ABCC1: variants seen among roughly 807,000 people sequenced by gnomAD.
ABCC1 encodes multidrug resistance-associated protein 1.
In ABCC1, 83 loss-of-function variants were observed where a neutral mutation model predicts 172.9. The observed-to-expected ratio is 0.48, with a 90% CI of 0.40 to 0.58. ABCC1 has a LOEUF of 0.58. Ranked by LOEUF, ABCC1 falls within the 20% of genes least tolerant of loss-of-function variation. ABCC1 has a pLI of 0.00. For synonymous variants in ABCC1, 937 were observed against 825.2 expected, an observed-to-expected ratio of 1.14 and a Z score of -2.32; for missense variants, 1,817 against 2,002.7, an observed-to-expected ratio of 0.91 and a Z score of 1.77.
At chr16:15,951,684 C>CT (rs1001619400) in intron 1 of ABCC1, among the ~76,000 whole-genome samples, 35 of 146,380 alleles carry the variant, frequency 2.4e-4, no homozygotes, top group Middle Eastern at 3.4e-3. Context: ...TTTTTCTTTT[C>CT]TTTTTTTTTT....
chr16:16,046,158 G>C (rs1259785125), intron 9 of ABCC1, 145 bp downstream of exon 9: 1 of 857,144 alleles, frequency 1.2e-6, no homozygotes, highest in Non-Finnish European at 1.8e-6. Context: ...TTAGGTGGCA[G>C]GGACAGCACG....
intron 5 of ABCC1, 150 bp from the exon 6 acceptor site, chr16:16,032,959 G>T (rs2048608311): frequency 3.0e-6 from 2 of 676,886 alleles, no homozygotes; most frequent in Admixed American, 5.3e-5. Flanking sequence ...TTAGGAGAGG[G>T]TCCTTTTGGG....
chr16:16,086,702 C>T (rs1310406497), intron 17 of ABCC1, 122 bp from the exon 18 acceptor site: 1 of 1,049,836 alleles, frequency 9.5e-7, no homozygotes, highest in Non-Finnish European at 1.4e-6. Context: ...CCCCTGGTCT[C>T]AAGCAGTCCT....
chr16:16,096,590 G>A (rs1050752620), intron 19 of ABCC1, among the ~76,000 whole-genome samples: 6 of 152,184 alleles, frequency 3.9e-5, no homozygotes, highest in Non-Finnish European at 7.3e-5. Context: ...GCTGGGGGAG[G>A]AGGTCAGTGA....
chr16:15,975,560 T>G (rs200612407), intron 1 of ABCC1, among the ~76,000 whole-genome samples: 776 of 26,502 alleles, frequency 0.029, 5 homozygotes, highest in African/African-American at 0.041. Flanking sequence ...GTTTTTTTTG[T>G]TTTTTTTTGT....
rs2049293103 is a variant in ABCC1 at position 16,048,162 on chromosome 16, A to C, written c.1239A>C (p.Ser413=). 6.2e-7 allele frequency: 1 copy of C among 1,614,110 alleles called. No homozygotes were observed. The highest frequency in any genetic ancestry group is 1.7e-5 in the Admixed American group (1 of 60,006). The change falls in exon 10 of 31, where the codon TCA becomes TCC. Residue 413 remains serine, a synonymous_variant. Coordinates refer to ENST00000399410, the MANE Select transcript of ABCC1 (RefSeq NM_004996.4). The stretch of plus-strand genomic sequence containing the variant: ...CACAGGCCCTGGTGATCACCAATTC[A>C]GCCAGAAAATCCTCCACGGTCGGGG... ...VYRKALVITN[S]ARKSSTVGEI...
chr16:16,096,815 G>C (rs1372611747), intron 19 of ABCC1, among the ~76,000 whole-genome samples: 1 of 152,116 alleles, frequency 6.6e-6, no homozygotes. Flanking sequence ...CGTGGGTCAA[G>C]GGTAGAAACA....
At chr16:16,006,803 A>G (rs996127039) in intron 1 of ABCC1, among the ~76,000 whole-genome samples, 1 of 151,282 alleles carries the variant, frequency 6.6e-6, no homozygotes, top group Admixed American at 6.6e-5. Flanking sequence ...GGTACTTAGA[A>G]TAAAGCCTGG....
chr16:16,060,294 C>T (rs989212285), intron 12 of ABCC1, among the ~76,000 whole-genome samples: 1 of 152,198 alleles, frequency 6.6e-6, no homozygotes, highest in Non-Finnish European at 1.5e-5. Flanking sequence ...AGCAGACACC[C>T]ACAGTCACTC....
In ABCC1 at chr16:16,102,718, G is replaced by A. The variant is rs2051823877; in HGVS notation, c.2735+1G>A. 7 of 1,570,436 alleles carry A rather than the reference G, an allele frequency of 4.5e-6. No homozygotes were observed. The highest frequency in any genetic ancestry group is 6.0e-6 in the Non-Finnish European group (7 of 1,157,382). On this transcript the variant is annotated splice_donor_variant, in intron 20 of 30. Coordinates refer to ENST00000399410, the MANE Select transcript of ABCC1 (RefSeq NM_004996.4). LOFTEE classifies it high-confidence loss of function. The stretch of plus-strand genomic sequence containing the variant: ...ACAGTGCAGGGAAGCAACTGCAGAG[G>A]TAAGGGCGGGGAGGAAGGCCCCAAC...
intron 28 of ABCC1, 32 bp from the exon 29 acceptor site, chr16:16,136,434 TGACACAGGTGTC>T (rs1199923979): frequency 5.6e-6 from 9 of 1,605,352 alleles, no homozygotes; most frequent in Non-Finnish European, 7.7e-6. Flanking sequence ...CATGTCAGCG[TGACACAGGTGTC>T]ACATGCCGTC....
chr16:15,983,026 T>C (rs215059), intron 1 of ABCC1, among the ~76,000 whole-genome samples: 127,215 of 151,944 alleles, frequency 0.84, 53,437 homozygotes, highest in Non-Finnish European at 0.87. Context: ...ACATATACAG[T>C]ATAAAATAGT....
intron 22 of ABCC1, among the ~76,000 whole-genome samples, chr16:16,112,079 A>T (rs369549107): frequency 6.6e-6 from 1 of 152,284 alleles, no homozygotes; most frequent in East Asian, 1.9e-4. Context: ...TTGGCCAGGC[A>T]TGGTGGCTCA....
intron 26 of ABCC1, among the ~76,000 whole-genome samples, chr16:16,127,794 C>CCATGT (rs1390210276): frequency 6.6e-6 from 1 of 152,150 alleles, no homozygotes; most frequent in Non-Finnish European, 1.5e-5. Context: ...GAACCAGGTC[C>CCATGT]CATGTCACGG....
At chr16:15,976,891 G>C (rs2151565275) in intron 1 of ABCC1, among the ~76,000 whole-genome samples, 1 of 152,330 alleles carries the variant, frequency 6.6e-6, no homozygotes, top group South Asian at 2.1e-4. Context: ...ACACAGCCTG[G>C]AAGTAGTAGG....
chr16:16,060,984 G>A (rs1045057952), intron 12 of ABCC1, among the ~76,000 whole-genome samples: 1 of 151,988 alleles, frequency 6.6e-6, no homozygotes, highest in African/African-American at 2.4e-5. Flanking sequence ...GCCCAGCTAA[G>A]TTTTGTATTT....
chr16:16,126,071 A>G (rs1047031528), intron 26 of ABCC1, among the ~76,000 whole-genome samples, 160 bp downstream of exon 26: 3 of 152,188 alleles, frequency 2.0e-5, no homozygotes, highest in Admixed American at 2.0e-4. Flanking sequence ...GCACTTATTT[A>G]GAGCCCGGTT....
At chr16:16,012,327 G>A (rs922468702) in intron 3 of ABCC1, among the ~76,000 whole-genome samples, 41 of 152,254 alleles carry the variant, frequency 2.7e-4, no homozygotes, top group Middle Eastern at 3.4e-3. Flanking sequence ...CTCTCCTGCT[G>A]GGTTTGATTC....
intron 19 of ABCC1, among the ~76,000 whole-genome samples, chr16:16,096,874 A>G (rs977507222): frequency 1.3e-5 from 2 of 151,926 alleles, no homozygotes; most frequent in South Asian, 4.2e-4. Flanking sequence ...GGTTGCATGA[A>G]CTCAGTGACA....
Sources: allele counts gnomAD v4.1 joint callset (sites outside exome capture counted in the v4.1 genomes callset), GRCh38; gene constraint gnomAD v4.1.1; transcripts MANE v1.5; gene names NCBI Gene and HGNC (gene_info 2026-07-23, HGNC 2026-07-21).